Variants in AGBL4 observed in about 807,000 individuals in gnomAD.
The protein encoded by AGBL4 is cytosolic carboxypeptidase 6.
Under a neutral mutation model 66.4 loss-of-function variants are expected in AGBL4, and 58 were observed. The ratio of observed to expected loss-of-function variants is 0.87; its 90% confidence interval spans 0.71 to 1.09. The LOEUF (loss-of-function observed/expected upper bound fraction) is 1.09, where lower values mean the gene tolerates loss of function less well. AGBL4 is among the 50% of genes least tolerant of loss of function. The pLI is 0.00. For missense variants in AGBL4, 579 were observed against 631.0 expected (o/e 0.92, Z 0.88); for synonymous variants, 234 against 222.9 (o/e 1.05, Z -0.44).
chr1:49,668,585 T>C (rs1646414031), intron 3 of AGBL4, among the ~76,000 whole-genome samples: 1 of 152,168 alleles, frequency 6.6e-6, no homozygotes, highest in South Asian at 2.1e-4. Context: ...AGTAACTGCC[T>C]AATGTTTCCC....
At chr1:49,070,716 G>A (rs901009714) in intron 4 of AGBL4, among the ~76,000 whole-genome samples, 3 of 151,918 alleles carry the variant, frequency 2.0e-5, no homozygotes, top group East Asian at 1.9e-4. Flanking sequence ...GTCTCTGCCC[G>A]GTTTTGGTAT....
At chr1:49,450,911 A>T (rs902486992) in intron 3 of AGBL4, among the ~76,000 whole-genome samples, 1 of 152,088 alleles carries the variant, frequency 6.6e-6, no homozygotes, top group African/African-American at 2.4e-5. Context: ...TTAGCAGTTT[A>T]AAATAACAGT....
chr1:48,759,094 T>C (rs1644114429), intron 6 of AGBL4: 1 of 1,612,310 alleles, frequency 6.2e-7, no homozygotes, highest in African/African-American at 1.3e-5. Context: ...CAGCAGCTCC[T>C]CATACAGAGC....
intron 8 of AGBL4, among the ~76,000 whole-genome samples, chr1:48,637,296 C>T (rs1383769647): frequency 1.3e-5 from 2 of 152,188 alleles, no homozygotes; most frequent in Non-Finnish European, 2.9e-5. Context: ...TCTTCTTTTC[C>T]TTCAGTCTGG....
At chr1:49,940,954 AATAAATAAAAAT>A (rs1331070084) in intron 1 of AGBL4, among the ~76,000 whole-genome samples, 1 of 152,128 alleles carries the variant, frequency 6.6e-6, no homozygotes, top group Non-Finnish European at 1.5e-5. Context: ...AAAAGTTTCA[AATAAATAAAAAT>A]ATAAATGAAA....
intron 6 of AGBL4, among the ~76,000 whole-genome samples, chr1:48,702,236 C>G (rs1269284564): frequency 6.6e-6 from 1 of 151,910 alleles, no homozygotes; most frequent in African/African-American, 2.4e-5. Flanking sequence ...CCTGCACTGC[C>G]CTCCCTCTCC....
intron 6 of AGBL4, among the ~76,000 whole-genome samples, chr1:48,833,530 T>C (rs1382500359): frequency 6.6e-6 from 1 of 152,192 alleles, no homozygotes; most frequent in African/African-American, 2.4e-5. Context: ...ATGTAAAGAT[T>C]TGGAAAATTC....
chr1:49,936,024 C>G (rs180784766), intron 1 of AGBL4, among the ~76,000 whole-genome samples: 1 of 151,990 alleles, frequency 6.6e-6, no homozygotes, highest in Non-Finnish European at 1.5e-5. Flanking sequence ...AGGCTTCAGA[C>G]GATCAAACTA....
intron 4 of AGBL4, among the ~76,000 whole-genome samples, chr1:49,072,921 C>A (rs754480866): frequency 9.2e-5 from 14 of 152,328 alleles, no homozygotes; most frequent in Middle Eastern, 6.8e-3. Context: ...TCCCATATTT[C>A]TTGCAGGCTT....
intron 6 of AGBL4, among the ~76,000 whole-genome samples, chr1:48,776,252 G>A (rs934038247): frequency 6.6e-6 from 1 of 152,226 alleles, no homozygotes; most frequent in Admixed American, 6.5e-5. Flanking sequence ...TAAAGAGAAG[G>A]TGAGAGAGAA....
At chr1:49,387,042 A>G (rs182778201) in intron 3 of AGBL4, among the ~76,000 whole-genome samples, 134 of 152,094 alleles carry the variant, frequency 8.8e-4, no homozygotes, top group Non-Finnish European at 1.4e-3. Flanking sequence ...TAATTAAGAA[A>G]TGAATTAATT....
At chr1:49,326,601 CAAAG>C (rs1243139305) in intron 3 of AGBL4, among the ~76,000 whole-genome samples, 2 of 151,768 alleles carry the variant, frequency 1.3e-5, no homozygotes, top group Admixed American at 6.6e-5. Context: ...ATAACTGACA[CAAAG>C]AAAGAATGAG....
intron 6 of AGBL4, chr1:48,777,029 A>G (rs1645134485): frequency 6.0e-6 from 1 of 165,624 alleles, no homozygotes; most frequent in African/African-American, 2.6e-5. Context: ...CTGGGCGCGG[A>G]AAAGGGAGGG....
At chr1:49,126,773 C>G (rs1645772952) in intron 4 of AGBL4, among the ~76,000 whole-genome samples, 1 of 152,050 alleles carries the variant, frequency 6.6e-6, no homozygotes, top group Non-Finnish European at 1.5e-5. Context: ...TTCCTAAGAT[C>G]ATTTACTCAT....
intron 4 of AGBL4, among the ~76,000 whole-genome samples, chr1:49,070,489 T>C (rs1253794647): frequency 6.6e-6 from 1 of 152,020 alleles, no homozygotes; most frequent in African/African-American, 2.4e-5. Flanking sequence ...ATTGAGCTAA[T>C]CATGTGGTTT....
intron 11 of AGBL4, chr1:48,586,088 A>G (rs1051400094): frequency 6.6e-6 from 1 of 152,248 alleles, no homozygotes; most frequent in African/African-American, 2.4e-5. Context: ...AAAACAAAGG[A>G]TCAAGGAAAG....
chr1:48,605,348 T>C (rs1420902205), intron 9 of AGBL4, among the ~76,000 whole-genome samples: 1 of 152,198 alleles, frequency 6.6e-6, no homozygotes, highest in African/African-American at 2.4e-5. Context: ...CAATCTATGC[T>C]TTCTCCATGC....
chr1:49,697,686 A>G (rs894831501), intron 2 of AGBL4, among the ~76,000 whole-genome samples: 1 of 152,178 alleles, frequency 6.6e-6, no homozygotes, highest in African/African-American at 2.4e-5. Context: ...TTATGCTACA[A>G]GTATCTTTGA....
At chr1:49,021,715 T>TA (rs1460510889) in intron 5 of AGBL4, among the ~76,000 whole-genome samples, 2 of 152,172 alleles carry the variant, frequency 1.3e-5, no homozygotes, top group East Asian at 3.9e-4. Context: ...ACATAGTATG[T>TA]GGGAGAAAAT....
Sources: allele counts gnomAD v4.1 joint callset (sites outside exome capture counted in the v4.1 genomes callset), GRCh38; gene constraint gnomAD v4.1.1; transcripts MANE v1.5; gene names NCBI Gene and HGNC (gene_info 2026-07-23, HGNC 2026-07-21).